OSMR: variants seen among roughly 807,000 people sequenced by gnomAD.
OSMR encodes oncostatin M receptor.
Under a neutral mutation model 99.9 loss-of-function variants are expected in OSMR, and 81 were observed. That is an observed-to-expected ratio of 0.81 (90% CI 0.68 to 0.97). The LOEUF (loss-of-function observed/expected upper bound fraction) is 0.97. OSMR is among the 50% of genes least tolerant of loss of function. OSMR has a pLI of 0.00. For synonymous variants in OSMR, 406 were observed against 410.4 expected (o/e 0.99, Z 0.13); for missense variants, 1,099 against 1,153.4 (o/e 0.95, Z 0.68).
chr5:38,919,290 G>C, intron 11 of OSMR: 1 of 1,494,178 alleles, frequency 6.7e-7, no homozygotes, highest in Non-Finnish European at 8.9e-7. Flanking sequence ...TTTCTGTCCA[G>C]GGGATTCTTC....
chr5:38,907,594 G>A (rs776486757), intron 9 of OSMR, among the ~76,000 whole-genome samples: 4 of 152,162 alleles, frequency 2.6e-5, no homozygotes, highest in Non-Finnish European at 5.9e-5. Context: ...CACTCCTGAG[G>A]CTCCAGCCTT....
chr5:38,936,556 A>G (rs1228915777), downstream of OSMR, among the ~76,000 whole-genome samples: 1 of 152,150 alleles, frequency 6.6e-6, no homozygotes, highest in Non-Finnish European at 1.5e-5. Flanking sequence ...CAAACACCTA[A>G]CCCATACTAA....
At chr5:38,862,126 G>A (rs1741438114) in intron 1 of OSMR, among the ~76,000 whole-genome samples, 1 of 133,550 alleles carries the variant, frequency 7.5e-6, no homozygotes, top group African/African-American at 2.8e-5. Context: ...TCCCGGACGG[G>A]GCGGCTGGCC....
chr5:38,882,555 A>G (rs1462430548), intron 4 of OSMR, among the ~76,000 whole-genome samples: 1 of 152,088 alleles, frequency 6.6e-6, no homozygotes, highest in African/African-American at 2.4e-5. Flanking sequence ...AGCCTGGGCC[A>G]CAGGGCAAGA....
At chr5:38,891,902 C>T (rs1014327723) in intron 7 of OSMR, among the ~76,000 whole-genome samples, 7 of 152,126 alleles carry the variant, frequency 4.6e-5, no homozygotes, top group Admixed American at 2.0e-4. Context: ...TGTGGCTCTG[C>T]GTTCCTCCAG....
chr5:38,917,483 AG>A, intron 9 of OSMR, 62 bp from the exon 10 acceptor site: 1 of 1,597,150 alleles, frequency 6.3e-7, no homozygotes, highest in Middle Eastern at 1.7e-4. Context: ...TCCTAGAAAA[AG>A]GTTGAGCATA....
intron 7 of OSMR, among the ~76,000 whole-genome samples, chr5:38,901,809 G>T (rs899772929): frequency 1.3e-5 from 2 of 152,172 alleles, no homozygotes; most frequent in African/African-American, 4.8e-5. Context: ...TTGTCGCAAA[G>T]AACCTCATTT....
downstream of OSMR, chr5:38,945,177 A>C (rs1181716866): frequency 2.1e-5 from 17 of 819,706 alleles, no homozygotes; most frequent in Non-Finnish European, 3.2e-5. Context: ...CTCTAATTGT[A>C]TGCAATATAC....
In OSMR at chr5:38,884,208, A is replaced by G. The variant is rs974654208; in HGVS notation, c.703+97A>G. 7.8e-5 allele frequency: 80 copies of G among 1,030,456 alleles called. No individual in the cohort carries two copies. In the African/African-American group the frequency reaches 7.9e-4, roughly 10 times the overall value. 63.8% of individuals were successfully genotyped at this position (1,030,456 alleles called of 1,614,324 possible). A position where few individuals can be genotyped will look rare whatever the true frequency, so the allele number is the denominator to read the frequency against. On this transcript the variant is annotated intron_variant, in intron 5 of 17. Transcript: ENST00000274276. Reference sequence around the variant, plus strand: ...AGACAAATAAACATTTCTACCCATGATCTTGATTTTCTTTTGTTTCCCAAG... The same window carrying G: ...AGACAAATAAACATTTCTACCCATGGTCTTGATTTTCTTTTGTTTCCCAAG...
intron 15 of OSMR, among the ~76,000 whole-genome samples, chr5:38,926,010 G>A (rs971028186): frequency 6.6e-6 from 1 of 152,070 alleles, no homozygotes; most frequent in Admixed American, 6.5e-5. Context: ...TAAGAAGGAA[G>A]GGAGAAAAAC....
At chr5:38,945,075 A>G (rs1748029228) in exon 3 of OSMR, 4 of 1,577,240 alleles carry the variant, frequency 2.5e-6, no homozygotes, top group Non-Finnish European at 3.5e-6. Flanking sequence ...AAGTCTGAAG[A>G]AAAAAATAAT....
intron 3 of OSMR, among the ~76,000 whole-genome samples, chr5:38,880,279 A>G (rs936646323): frequency 2.0e-5 from 3 of 152,154 alleles, no homozygotes; most frequent in Non-Finnish European, 4.4e-5. Flanking sequence ...TTCACTGAGG[A>G]CTTATTATTC....
At chr5:38,870,394 C>T (rs1035257679) in intron 2 of OSMR, among the ~76,000 whole-genome samples, 31 of 146,832 alleles carry the variant, frequency 2.1e-4, no homozygotes, top group African/African-American at 5.3e-4. Context: ...TGCAGTGGCG[C>T]GATCTCGGCT....
chr5:38,907,199 A>T (rs1443325268), intron 9 of OSMR, among the ~76,000 whole-genome samples: 1 of 152,168 alleles, frequency 6.6e-6, no homozygotes, highest in Non-Finnish European at 1.5e-5. Flanking sequence ...GAAGCTGCAT[A>T]CCCTGCACAG....
chr5:38,923,320 C>A, intron 13 of OSMR, 66 bp downstream of exon 13: 3 of 1,067,614 alleles, frequency 2.8e-6, no homozygotes, highest in Non-Finnish European at 4.4e-6. Flanking sequence ...AGATTCCTAG[C>A]TTTGGGTTTA....
chr5:38,894,488 A>C (rs771634398), intron 7 of OSMR, among the ~76,000 whole-genome samples: 9 of 152,140 alleles, frequency 5.9e-5, no homozygotes, highest in Admixed American at 4.6e-4. Context: ...GCTCAAAGTA[A>C]AGGGTTGGAG....
intron 3 of OSMR, among the ~76,000 whole-genome samples, chr5:38,879,867 C>G (rs1352123282): frequency 6.6e-6 from 1 of 152,096 alleles, no homozygotes; most frequent in Non-Finnish European, 1.5e-5. Context: ...CATGATCTGC[C>G]TGCCTTGGCC....
chr5:38,920,076 G>C (rs536364203), intron 11 of OSMR, among the ~76,000 whole-genome samples: 1 of 152,252 alleles, frequency 6.6e-6, no homozygotes, highest in African/African-American at 2.4e-5. Flanking sequence ...TCAGCCTCGG[G>C]GAGCTGGTAC....
chr5:38,891,778 G>A (rs1467041874), intron 7 of OSMR, among the ~76,000 whole-genome samples: 1 of 152,300 alleles, frequency 6.6e-6, no homozygotes, highest in East Asian at 1.9e-4. Flanking sequence ...CCCCAATAGC[G>A]GCCATTGCCA....
Sources: allele counts gnomAD v4.1 joint callset (sites outside exome capture counted in the v4.1 genomes callset), GRCh38; gene constraint gnomAD v4.1.1; transcripts MANE v1.5; gene names NCBI Gene and HGNC (gene_info 2026-07-23, HGNC 2026-07-21).